Variants in NTM observed in about 807,000 individuals in gnomAD.
NTM encodes neurotrimin.
A neutral mutation model predicts 42.1 loss-of-function variants in NTM; 13 were observed. That is an observed-to-expected ratio of 0.31 (90% CI 0.20 to 0.49). NTM has a LOEUF of 0.49. Ranked by LOEUF, NTM falls within the 20% of genes least tolerant of loss-of-function variation. NTM has a pLI of 0.99. For synonymous variants in NTM, 187 were observed against 179.2 expected, an observed-to-expected ratio of 1.04 and a Z score of -0.35; for missense variants, 373 against 452.8, an observed-to-expected ratio of 0.82 and a Z score of 1.60.
chr11:131,800,578 A>G (rs2092017357), intron 1 of NTM, among the ~76,000 whole-genome samples: 1 of 152,234 alleles, frequency 6.6e-6, no homozygotes, highest in South Asian at 2.1e-4. Flanking sequence ...GGTTCCCCTG[A>G]GCCTGGCATG....
At chr11:132,288,324 T>G (rs1486817424) in intron 4 of NTM, among the ~76,000 whole-genome samples, 1 of 152,178 alleles carries the variant, frequency 6.6e-6, no homozygotes, top group Non-Finnish European at 1.5e-5. Flanking sequence ...TTACTTAAAC[T>G]TAAAGGGCAA....
intron 2 of NTM, among the ~76,000 whole-genome samples, chr11:131,934,033 C>G (rs2058942089): frequency 6.6e-6 from 1 of 152,126 alleles, no homozygotes; most frequent in South Asian, 2.1e-4. Flanking sequence ...GGGATTTGAT[C>G]CCAGACAGTT....
chr11:131,634,610 T>A (rs1439551399), intron 1 of NTM, among the ~76,000 whole-genome samples: 1 of 149,582 alleles, frequency 6.7e-6, no homozygotes, highest in African/African-American at 2.5e-5. Flanking sequence ...GAAGTAACTT[T>A]AGGATGATTT....
chr11:131,829,282 C>T (rs964074299), intron 1 of NTM, among the ~76,000 whole-genome samples: 1 of 152,008 alleles, frequency 6.6e-6, no homozygotes, highest in Admixed American at 6.6e-5. Flanking sequence ...ACAATTGATC[C>T]CATTACTCAG....
At chr11:131,936,715 C>G (rs1279781024) in intron 2 of NTM, among the ~76,000 whole-genome samples, 1 of 152,080 alleles carries the variant, frequency 6.6e-6, no homozygotes, top group Admixed American at 6.6e-5. Flanking sequence ...AACTGGTTTC[C>G]AAGATCAGCC....
chr11:131,829,656 T>A (rs2042565777), intron 1 of NTM, among the ~76,000 whole-genome samples: 1 of 152,188 alleles, frequency 6.6e-6, no homozygotes, highest in Non-Finnish European at 1.5e-5. Flanking sequence ...TATGTGTGAA[T>A]GCAACTTTTT....
intron 2 of NTM, among the ~76,000 whole-genome samples, chr11:132,033,477 C>G (rs2135688532): frequency 6.6e-6 from 1 of 152,250 alleles, no homozygotes; most frequent in Middle Eastern, 3.4e-3. Context: ...CCTGTGGCCA[C>G]TGTAAATAGA....
intron 1 of NTM, among the ~76,000 whole-genome samples, chr11:131,809,925 G>A (rs1464124825): frequency 2.0e-5 from 3 of 152,156 alleles, no homozygotes; most frequent in African/African-American, 4.8e-5. Context: ...TTGATAGAAG[G>A]TTAATGCATA....
intron 2 of NTM, among the ~76,000 whole-genome samples, chr11:131,955,640 C>T (rs1370372947): frequency 6.6e-6 from 1 of 152,140 alleles, no homozygotes; most frequent in Non-Finnish European, 1.5e-5. Context: ...AGGTAAGAAT[C>T]GTGTGCTGAG....
At position 132,084,673 on chromosome 11, in the gene NTM, G is replaced by T. The variant is rs557990875; in HGVS notation, c.168-61609G>T. On this transcript the variant is annotated intron_variant, in intron 2 of 8. Transcript: ENST00000683400. ...AAGTGATAACTTGAAAATTATTTTA[G>T]AAAGACAAAAACCTTTACTCATTAA... Among the ~76,000 whole-genome samples, 3 of 152,212 alleles carry T rather than the reference G, an allele frequency of 2.0e-5. No individual in the cohort carries two copies. The South Asian group carries it at 6.2e-4, about 32-fold the overall frequency.
intron 1 of NTM, chr11:131,794,623 TTGAA>T (rs112964113): frequency 3.9e-5 from 37 of 940,688 alleles, no homozygotes; most frequent in South Asian, 1.4e-4. Flanking sequence ...TGGATGAGTG[TTGAA>T]TGAATGAATG....
chr11:131,879,112 T>G (rs944153711), intron 1 of NTM, among the ~76,000 whole-genome samples: 4 of 152,160 alleles, frequency 2.6e-5, no homozygotes, highest in African/African-American at 9.6e-5. Flanking sequence ...ACCTACAGTC[T>G]CCTTCAATCC....
chr11:132,204,519 G>A (rs1592206995), intron 3 of NTM, among the ~76,000 whole-genome samples: 1 of 152,258 alleles, frequency 6.6e-6, no homozygotes, highest in South Asian at 2.1e-4. Flanking sequence ...GGGGGTTTGA[G>A]GAAGCCTTCT....
At chr11:131,571,183 T>C (rs961519392) in intron 1 of NTM, among the ~76,000 whole-genome samples, 1 of 152,232 alleles carries the variant, frequency 6.6e-6, no homozygotes, top group African/African-American at 2.4e-5. Context: ...GCTCAGGAAG[T>C]ATTAACTATT....
At chr11:131,782,306 C>G (rs1041958260) in intron 1 of NTM, among the ~76,000 whole-genome samples, 2 of 151,654 alleles carry the variant, frequency 1.3e-5, no homozygotes, top group African/African-American at 4.8e-5. Flanking sequence ...AAAAAATTCC[C>G]CACAAACCAA....
intron 1 of NTM, among the ~76,000 whole-genome samples, chr11:131,406,556 T>C (rs1020847607): frequency 2.6e-5 from 4 of 152,186 alleles, no homozygotes; most frequent in African/African-American, 9.6e-5. Context: ...ATATATGCTA[T>C]TTTTCCTCTT....
At chr11:131,495,963 G>T (rs1252523044) in intron 1 of NTM, among the ~76,000 whole-genome samples, 1 of 152,186 alleles carries the variant, frequency 6.6e-6, no homozygotes, top group Non-Finnish European at 1.5e-5. Flanking sequence ...AAAAATGATT[G>T]CAAGAAATCT....
chr11:132,000,041 A>G (rs2068883080), intron 2 of NTM, among the ~76,000 whole-genome samples: 1 of 151,944 alleles, frequency 6.6e-6, no homozygotes. Flanking sequence ...TAAGACATCA[A>G]GGGAACCCTG....
intron 4 of NTM, among the ~76,000 whole-genome samples, chr11:132,281,720 G>A (rs2139844598): frequency 6.6e-6 from 1 of 152,288 alleles, no homozygotes; most frequent in Admixed American, 6.5e-5. Flanking sequence ...GTCAAGCACA[G>A]ACATATTCTT....
Sources: gnomAD v4.1 joint callset for allele counts (sites outside exome capture counted in the v4.1 genomes callset) on GRCh38, gnomAD v4.1.1 for gene constraint, MANE v1.5 for transcripts, NCBI Gene and HGNC (gene_info 2026-07-23, HGNC 2026-07-21) for gene names.